ASL: variants seen among roughly 807,000 people sequenced by gnomAD.
ASL encodes argininosuccinate lyase.
Under a neutral mutation model 69.1 loss-of-function variants are expected in ASL, and 51 were observed. That is an observed-to-expected ratio of 0.74 (90% CI 0.59 to 0.93). The LOEUF is 0.93. Ranked by LOEUF, ASL falls within the 40% of genes least tolerant of loss-of-function variation. The pLI is 0.00. For synonymous variants in ASL, 241 were observed against 247.6 expected (o/e 0.97, Z 0.25); for missense variants, 540 against 623.9 (o/e 0.87, Z 1.43).
chr7:66,076,282 C>T (rs1259801393), intron 2 of ASL, among the ~76,000 whole-genome samples, 189 bp downstream of exon 2: 1 of 152,246 alleles, frequency 6.6e-6, no homozygotes, highest in African/African-American at 2.4e-5. Context: ...TTTACCAGGA[C>T]TCACCAGTAT....
At chr7:66,080,560 TA>T (rs1786475642) in intron 2 of ASL, among the ~76,000 whole-genome samples, 1 of 148,808 alleles carries the variant, frequency 6.7e-6, no homozygotes, top group African/African-American at 2.5e-5. Context: ...CCGTCTCTAC[TA>T]AAAATATAAA....
chr7:66,087,181 G>C, intron 8 of ASL, 153 bp from the exon 9 acceptor site: 1 of 854,386 alleles, frequency 1.2e-6, no homozygotes, highest in Non-Finnish European at 1.9e-6. Flanking sequence ...CTGGGCCAGG[G>C]AAGAGGCTAA....
At chr7:66,091,676 C>T in intron 14 of ASL, 1 of 370,056 alleles carries the variant, frequency 2.7e-6, no homozygotes, top group South Asian at 2.4e-5. Flanking sequence ...CTATAATGGC[C>T]ACTGCACTCC....
chr7:66,080,593 C>T (rs796910285), intron 2 of ASL, among the ~76,000 whole-genome samples: 1 of 149,714 alleles, frequency 6.7e-6, no homozygotes, highest in South Asian at 2.1e-4. Context: ...TGTGGTGGCA[C>T]ACGCCTGAAA....
chr7:66,087,548 G>T, intron 9 of ASL, 162 bp downstream of exon 9: 1 of 1,008,900 alleles, frequency 9.9e-7, no homozygotes, highest in Non-Finnish European at 1.5e-6. Context: ...GTCACTCATG[G>T]CAGGGATGCC....
At chr7:66,085,501 A>G (rs1259229740) in intron 6 of ASL, among the ~76,000 whole-genome samples, 2 of 152,086 alleles carry the variant, frequency 1.3e-5, no homozygotes, top group Non-Finnish European at 2.9e-5. Flanking sequence ...AAAACAGGCC[A>G]GGTATGGTGG....
Position 66,082,276 on chromosome 7 carries a change from A to G in ASL, c.208-92A>G, listed in dbSNP as rs117612967. On this transcript the variant is annotated intron_variant, in intron 3 of 16. Coordinates refer to ENST00000304874, the MANE Select transcript of ASL (RefSeq NM_000048.4). The stretch of plus-strand genomic sequence containing the variant: ...ACTCAGCTCCTGGGCAGGGACAGTC[A>G]GTCACCAGGGATAGGGTGGGACCAA... 5.6e-3 allele frequency: 7,497 copies of G among 1,340,012 alleles called. 178 individuals carry two copies. The highest frequency in any genetic ancestry group is 0.055 in the East Asian group (2,233 of 40,302). 83.0% of individuals were successfully genotyped at this position (1,340,012 alleles called of 1,614,324 possible).
At chr7:66,092,461 GAAAAAA>G in intron 15 of ASL, 90 bp from the exon 16 acceptor site, 2 of 986,670 alleles carry the variant, frequency 2.0e-6, no homozygotes, top group Non-Finnish European at 3.0e-6. Flanking sequence ...GTGTCAAAAA[GAAAAAA>G]AAAAAAAAAA....
intron 10 of ASL, among the ~76,000 whole-genome samples, chr7:66,088,427 G>A (rs559891529): frequency 5.9e-5 from 9 of 152,262 alleles, no homozygotes; most frequent in African/African-American, 1.9e-4. Flanking sequence ...GTTGCAGTGA[G>A]CCAAGATTGT....
intron 15 of ASL, 108 bp downstream of exon 15, chr7:66,092,194 G>C: frequency 1.5e-6 from 2 of 1,344,462 alleles, no homozygotes; most frequent in Non-Finnish European, 2.1e-6. Flanking sequence ...GCTCACCCCT[G>C]TAATCCCAGC....
At chr7:66,079,681 G>A (rs928482603) in intron 2 of ASL, among the ~76,000 whole-genome samples, 3 of 151,898 alleles carry the variant, frequency 2.0e-5, no homozygotes, top group African/African-American at 4.8e-5. Context: ...GTGCAGTGGC[G>A]TGATCTTGGC....
In ASL at chr7:66,081,924, A is replaced by AGAAGG; in HGVS notation, c.134_135insGAAGG (p.Tyr45Ter). 1 of 1,613,892 alleles carries AGAAGG rather than the reference A, an allele frequency of 6.2e-7. No individual in the cohort carries two copies. The highest frequency in any genetic ancestry group is 8.5e-7 in the Non-Finnish European group (1 of 1,179,968). On this transcript the variant is annotated stop_gained and frameshift_variant, in exon 3 of 17. Transcript: ENST00000304874. LOFTEE classifies it high-confidence loss of function. ...GTGGATGTTCAAGGCAGCAAAGCCT[A>AGAAGG]CAGCAGGGGCCTGGAGAAGGCAGGG... is the stretch of plus-strand genomic sequence containing the variant.
chr7:66,090,283 C>A lies in ASL; in HGVS notation c.1062+588C>A, dbSNP rs143129506. On this transcript the variant is annotated intron_variant, in intron 14 of 16. Transcript: ENST00000304874. ...AATTAAATTAAATATCTTTAAAAAA[C>A]ATTTTTTAGAGACAGGGTCACTCTC... Among the ~76,000 whole-genome samples, 893 of 151,716 alleles carry A rather than the reference C, an allele frequency of 5.9e-3. 5 individuals are homozygous for A. Among genetic ancestry groups the A allele is most frequent in the African/African-American group, 0.02 (845 of 41,430 alleles).
At chr7:66,090,423 G>A (rs530551259) in intron 14 of ASL, among the ~76,000 whole-genome samples, 7 of 151,970 alleles carry the variant, frequency 4.6e-5, no homozygotes, top group African/African-American at 1.7e-4. Flanking sequence ...ACAAACATGC[G>A]CCACCACGCC....
chr7:66,078,079 T>C (rs1017925619), intron 2 of ASL, among the ~76,000 whole-genome samples: 3 of 152,352 alleles, frequency 2.0e-5, no homozygotes, highest in African/African-American at 7.2e-5. Context: ...TTCCTGTAGG[T>C]TGGCACTAAT....
chr7:66,087,663 C>T, intron 9 of ASL, 66 bp from the exon 10 acceptor site: 1 of 1,595,092 alleles, frequency 6.3e-7, no homozygotes. Flanking sequence ...GCTGGGCAAC[C>T]TAGTTGGGGG....
chr7:66,081,422 A>G (rs1786499962), intron 2 of ASL, among the ~76,000 whole-genome samples: 1 of 152,032 alleles, frequency 6.6e-6, no homozygotes, highest in South Asian at 2.1e-4. Context: ...TCTACTAATG[A>G]TACAAAAATT....
intron 14 of ASL, among the ~76,000 whole-genome samples, chr7:66,091,464 G>A (rs1049846799): frequency 6.6e-6 from 1 of 152,216 alleles, no homozygotes; most frequent in Admixed American, 6.6e-5. Context: ...GGAGACTGAT[G>A]TGGGAGGATC....
chr7:66,088,167 A>AAAAAT lies in ASL; in HGVS notation c.718+396_718+400dup, dbSNP rs539655467. Among the ~76,000 whole-genome samples the AAAAAT allele has an allele frequency of 8.5e-4, 129 of 152,130 alleles. 1 individual carries two copies. In the South Asian group the frequency reaches 0.012, roughly 14 times the overall value. ...GCAACAAGAGCGAAACTCCATCTCA[A>AAAAAT]AAAATAAAATAAAATAAAATAAAAA... On this transcript the variant is annotated intron_variant, in intron 10 of 16. Coordinates refer to ENST00000304874, the MANE Select transcript of ASL (RefSeq NM_000048.4).
Sources: allele counts gnomAD v4.1 joint callset (sites outside exome capture counted in the v4.1 genomes callset), GRCh38; gene constraint gnomAD v4.1.1; transcripts MANE v1.5; gene names NCBI Gene and HGNC (gene_info 2026-07-23, HGNC 2026-07-21).